The following KCNJ3 variants were observed in gnomAD, a reference collection of about 807,000 sequenced individuals.
KCNJ3 encodes the protein potassium inwardly rectifying channel subfamily J member 3.
Under a neutral mutation model 39.2 loss-of-function variants are expected in KCNJ3, and 4 were observed. The ratio of observed to expected loss-of-function variants is 0.10; its 90% CI spans 0.05 to 0.23. The LOEUF is 0.23. KCNJ3 is among the 10% of genes least tolerant of loss of function. The probability of loss-of-function intolerance (pLI) is 1.00; values close to 1 mark genes in which losing one functional copy is unlikely to be tolerated. For missense variants in KCNJ3, 276 were observed against 634.9 expected, an observed-to-expected ratio of 0.43 and a Z score of 6.08; for synonymous variants, 230 against 237.4, an observed-to-expected ratio of 0.97 and a Z score of 0.29.
intron 2 of KCNJ3, among the ~76,000 whole-genome samples, chr2:154,772,465 G>A (rs1686259820): frequency 6.6e-6 from 1 of 151,830 alleles, no homozygotes; most frequent in African/African-American, 2.4e-5. Context: ...GTGTTTTCGT[G>A]GGTATTAAAA....
chr2:154,777,565 T>G (rs996861700), intron 2 of KCNJ3, among the ~76,000 whole-genome samples: 26 of 152,204 alleles, frequency 1.7e-4, no homozygotes, highest in African/African-American at 6.3e-4. Context: ...TGATACTTTT[T>G]TATAGCTCTG....
chr2:154,825,192 C>A (rs772302343), intron 2 of KCNJ3, among the ~76,000 whole-genome samples: 19 of 152,120 alleles, frequency 1.2e-4, no homozygotes, highest in Non-Finnish European at 1.8e-4. Context: ...TTCCTGTCAT[C>A]CTTCTGTGTT....
chr2:154,699,775 T>TA lies in KCNJ3; in HGVS notation c.702+299dup, dbSNP rs1684854868. Among the ~76,000 whole-genome samples the TA allele has an allele frequency of 6.6e-6, 1 of 152,118 alleles. No homozygotes were observed. Among genetic ancestry groups the TA allele is most frequent in the Non-Finnish European group, 1.5e-5 (1 of 68,020 alleles). On this transcript the variant is annotated intron_variant, in intron 1 of 2. Coordinates refer to ENST00000295101, the MANE Select transcript of KCNJ3 (RefSeq NM_002239.4). This position sits in a 1 kb window ranked among gnomAD's most constrained non-coding sequence, Gnocchi z 6.4. ...TGGCTCCTGGAGCCATGAGGGCAAT[T>TA]AGTGCCCTGTTCGCCTTCCTGTCCC...
At chr2:154,773,072 A>AAAT (rs1376892231) in intron 2 of KCNJ3, among the ~76,000 whole-genome samples, 1 of 152,170 alleles carries the variant, frequency 6.6e-6, no homozygotes, top group Non-Finnish European at 1.5e-5. Context: ...TAAAGTAGTG[A>AAAT]AATAAATTAA....
intron 1 of KCNJ3, among the ~76,000 whole-genome samples, chr2:154,701,059 C>A (rs2105144369): frequency 6.6e-6 from 1 of 152,114 alleles, no homozygotes; most frequent in South Asian, 2.1e-4. Context: ...CTGTTTGAAC[C>A]AAGCAGTTTG....
At chr2:154,815,794 T>C (rs1687075291) in intron 2 of KCNJ3, among the ~76,000 whole-genome samples, 1 of 152,220 alleles carries the variant, frequency 6.6e-6, no homozygotes, top group Non-Finnish European at 1.5e-5. Context: ...ATACTGCTGT[T>C]CTTACTTACC....
intron 2 of KCNJ3, among the ~76,000 whole-genome samples, chr2:154,800,311 G>A (rs142405163): frequency 6.6e-5 from 10 of 152,212 alleles, no homozygotes; most frequent in East Asian, 3.9e-4. Context: ...CAAGTGTTCC[G>A]TTTCTTTCAG....
At chr2:154,842,952 T>G (rs1023334024) in intron 2 of KCNJ3, among the ~76,000 whole-genome samples, 3 of 152,204 alleles carry the variant, frequency 2.0e-5, no homozygotes, top group Non-Finnish European at 2.9e-5. Flanking sequence ...AGGTTAATAT[T>G]GTTATGTGTG....
intron 2 of KCNJ3, among the ~76,000 whole-genome samples, chr2:154,763,833 AG>A (rs1686086108): frequency 6.6e-6 from 1 of 152,180 alleles, no homozygotes; most frequent in African/African-American, 2.4e-5. Context: ...GATATTTCAG[AG>A]GTTAGATAGA....
At chr2:154,723,621 T>C (rs896441574) in intron 2 of KCNJ3, among the ~76,000 whole-genome samples, 1 of 78,236 alleles carries the variant, frequency 1.3e-5, no homozygotes, top group Non-Finnish European at 3.1e-5. Flanking sequence ...TTATGTTTTG[T>C]GTTTGTTTTG....
chr2:154,703,651 A>T (rs369304193), intron 1 of KCNJ3, among the ~76,000 whole-genome samples: 1 of 152,096 alleles, frequency 6.6e-6, no homozygotes, highest in African/African-American at 2.4e-5. Context: ...TCTAACCACA[A>T]CGATTCCTGA....
intron 2 of KCNJ3, among the ~76,000 whole-genome samples, chr2:154,777,758 A>G (rs900031334): frequency 1.4e-4 from 21 of 152,162 alleles, no homozygotes; most frequent in African/African-American, 5.1e-4. Flanking sequence ...TGTTTTTCGC[A>G]TAAACCTACT....
At chr2:154,804,407 A>AAACTG (rs1463299878) in intron 2 of KCNJ3, among the ~76,000 whole-genome samples, 6 of 152,134 alleles carry the variant, frequency 3.9e-5, no homozygotes, top group Non-Finnish European at 8.8e-5. Flanking sequence ...TGTCAGTCTC[A>AAACTG]AACTTTTCTA....
intron 2 of KCNJ3, among the ~76,000 whole-genome samples, chr2:154,719,078 G>A (rs1171967373): frequency 6.6e-6 from 1 of 152,102 alleles, no homozygotes; most frequent in Non-Finnish European, 1.5e-5. Context: ...GGGACTACCT[G>A]TATCATAATC....
intron 2 of KCNJ3, among the ~76,000 whole-genome samples, chr2:154,764,495 A>G (rs1009832236): frequency 2.0e-5 from 3 of 152,194 alleles, no homozygotes; most frequent in Non-Finnish European, 4.4e-5. Flanking sequence ...ATAGCCATTA[A>G]TCTTCCTTCT....
chr2:154,768,702 A>G (rs1178629844), intron 2 of KCNJ3, among the ~76,000 whole-genome samples: 1 of 152,144 alleles, frequency 6.6e-6, no homozygotes, highest in Admixed American at 6.5e-5. Context: ...ACTTTAAAGT[A>G]GTTTTTTCTA....
At chr2:154,795,153 G>A (rs1686700858) in intron 2 of KCNJ3, among the ~76,000 whole-genome samples, 1 of 151,796 alleles carries the variant, frequency 6.6e-6, no homozygotes, top group Non-Finnish European at 1.5e-5. Context: ...CCACCTTTTT[G>A]AATAATCTAC....
Position 154,854,716 on chromosome 2 carries a change from T to C in KCNJ3, c.920-11T>C. The C allele has an allele frequency of 6.3e-7, 1 of 1,587,602 alleles. No homozygotes were observed. Among genetic ancestry groups the C allele is most frequent in the Non-Finnish European group, 8.6e-7 (1 of 1,162,976 alleles). Reference sequence around the variant, plus strand: ...TGCATAATTTATCAAGAATTTTCTCTTTTCTTGTAGGGATGACTTGTCAAG... The same window carrying C: ...TGCATAATTTATCAAGAATTTTCTCCTTTCTTGTAGGGATGACTTGTCAAG... On this transcript the variant is annotated splice_polypyrimidine_tract_variant and intron_variant, in intron 2 of 2. Coordinates refer to ENST00000295101, the MANE Select transcript of KCNJ3 (RefSeq NM_002239.4).
chr2:154,738,378 T>C (rs1032954714), intron 2 of KCNJ3, among the ~76,000 whole-genome samples: 2 of 152,070 alleles, frequency 1.3e-5, no homozygotes, highest in African/African-American at 4.8e-5. Context: ...CTACAGTCAA[T>C]AATAACTTAA....
Sources: gnomAD v4.1 joint callset for allele counts (sites outside exome capture counted in the v4.1 genomes callset) on GRCh38, gnomAD v4.1.1 for gene constraint, Gnocchi (gnomAD v3.1) non-coding constraint, MANE v1.5 for transcripts, NCBI Gene and HGNC (gene_info 2026-07-23, HGNC 2026-07-21) for gene names.